Variants in DLC1 observed in about 807,000 individuals in gnomAD.
DLC1 encodes rho GTPase-activating protein 7.
DLC1 carries 54 observed loss-of-function variants against 140.3 expected under a neutral mutation model. That is an observed-to-expected ratio of 0.38 (90% CI 0.31 to 0.48). The LOEUF (loss-of-function observed/expected upper bound fraction) is 0.48. Ranked by LOEUF, DLC1 falls within the 20% of genes least tolerant of loss-of-function variation. The probability of loss-of-function intolerance (pLI) is 0.96; values close to 1 mark genes in which losing one functional copy is unlikely to be tolerated. For missense variants in DLC1, 2,536 were observed against 1,907.0 expected (o/e 1.33, Z -6.14); for synonymous variants, 986 against 728.1 (o/e 1.35, Z -5.70).
intron 4 of DLC1, among the ~76,000 whole-genome samples, chr8:13,324,412 C>T (rs926067847): frequency 6.6e-6 from 1 of 151,528 alleles, no homozygotes; most frequent in Non-Finnish European, 1.5e-5. Context: ...ACTAAAAATA[C>T]AAAAACTTAG....
At position 13,095,178 on chromosome 8, in the gene DLC1, G is replaced by C; in HGVS notation, c.3235C>G (p.Pro1079Ala). Residue 1079 changes from proline (P) to alanine (A), a missense_variant, in exon 11 of 18, where the codon CCA becomes GCA. Physicochemically the swap from Pro to Ala is conservative, Grantham distance 27. Coordinates refer to ENST00000276297, the MANE Select transcript of DLC1 (RefSeq NM_182643.3). ...DYKDRSVFGV[P>A]LTVNVQRTGQ... ...GTGCGCTGCACGTTGACCGTCAGTG[G>C]GACCCCAAACACACTCCGGTCCTTG... The C allele has an allele frequency of 1.2e-6, 2 of 1,614,220 alleles. No homozygotes were observed. Among genetic ancestry groups the C allele is most frequent in the Non-Finnish European group, 1.7e-6 (2 of 1,180,054 alleles).
intron 5 of DLC1, among the ~76,000 whole-genome samples, chr8:13,200,350 C>A (rs1402781441): frequency 6.6e-6 from 1 of 152,140 alleles, no homozygotes; most frequent in Non-Finnish European, 1.5e-5. Flanking sequence ...GCATGAGCCA[C>A]TGCACCTGGC....
intron 5 of DLC1, among the ~76,000 whole-genome samples, chr8:13,199,479 C>A (rs1054269190): frequency 3.9e-5 from 6 of 152,212 alleles, no homozygotes; most frequent in African/African-American, 1.4e-4. Flanking sequence ...CTGGGCCCCG[C>A]GTTCTCATTC....
rs551709074 is a variant in DLC1, at chr8:13,161,766, C to T, written c.1349-46109G>A. ...CCTTGTGGATGTCTTTTCTGAGATGCTACAGAACATAGAGAACAATACACT... is the reference window on the plus strand; with the variant it reads ...CCTTGTGGATGTCTTTTCTGAGATGTTACAGAACATAGAGAACAATACACT... On this transcript the variant is annotated intron_variant, in intron 5 of 17. Coordinates refer to ENST00000276297, the MANE Select transcript of DLC1 (RefSeq NM_182643.3). 1.8e-4 allele frequency among the ~76,000 whole-genome samples: 28 copies of T among 152,256 alleles called. 2 individuals are homozygous for T. In the South Asian group the frequency reaches 5.6e-3, roughly 30 times the overall value.
At chr8:13,166,434 G>T (rs988611216) in intron 5 of DLC1, among the ~76,000 whole-genome samples, 5 of 152,020 alleles carry the variant, frequency 3.3e-5, no homozygotes, top group Admixed American at 6.6e-5. Flanking sequence ...TCTGCCTCCC[G>T]GGTTCAAGCT....
In DLC1 at chr8:13,143,813, T is replaced by TGAGAGAGAGAGAGAGAGAGAGAGAGAGA. The variant is rs35079610; in HGVS notation, c.1349-28184_1349-28157dup. On this transcript the variant is annotated intron_variant, in intron 5 of 17. Coordinates refer to ENST00000276297, the MANE Select transcript of DLC1 (RefSeq NM_182643.3). ...GATGTTGAAAGACCAAATGAAAAGC[T>TGAGAGAGAGAGAGAGAGAGAGAGAGAGA]GAGAGAGAGAGAGAGAGAGAGAGAG... Among the ~76,000 whole-genome samples the TGAGAGAGAGAGAGAGAGAGAGAGAGAGA allele has an allele frequency of 9.0e-4, 116 of 128,700 alleles. 4 individuals are homozygous for TGAGAGAGAGAGAGAGAGAGAGAGAGAGA. Among genetic ancestry groups the TGAGAGAGAGAGAGAGAGAGAGAGAGAGA allele is most frequent in the African/African-American group, 1.9e-3 (62 of 32,164 alleles). 84.4% of individuals were successfully genotyped at this position (128,700 alleles called of 152,430 possible).
At chr8:13,163,543 G>A (rs1304478028) in intron 5 of DLC1, among the ~76,000 whole-genome samples, 1 of 152,164 alleles carries the variant, frequency 6.6e-6, no homozygotes, top group African/African-American at 2.4e-5. Context: ...ACTTTTGTGT[G>A]TGGGGTGGGA....
chr8:13,151,230 ACT>A (rs1483962977), intron 5 of DLC1, among the ~76,000 whole-genome samples: 1 of 152,224 alleles, frequency 6.6e-6, no homozygotes, highest in Non-Finnish European at 1.5e-5. Flanking sequence ...AGTCTTCCTC[ACT>A]CTGTCAATTT....
At chr8:13,237,197 A>ATG (rs376660880) in intron 5 of DLC1, among the ~76,000 whole-genome samples, 1,867 of 138,084 alleles carry the variant, frequency 0.014, 12 homozygotes, top group South Asian at 0.021. Flanking sequence ...ATATATATAT[A>ATG]TGTGTGTGTG....
chr8:13,196,890 C>G (rs930847015), intron 5 of DLC1, among the ~76,000 whole-genome samples: 1 of 152,188 alleles, frequency 6.6e-6, no homozygotes, highest in African/African-American at 2.4e-5. Flanking sequence ...TTTGATTCTA[C>G]TACTTCAGAG....
chr8:13,368,156 A>C (rs749840745), intron 4 of DLC1, among the ~76,000 whole-genome samples: 2 of 152,202 alleles, frequency 1.3e-5, no homozygotes, highest in Non-Finnish European at 2.9e-5. Flanking sequence ...CTGTTGAAAG[A>C]CATAATTGGG....
At chr8:13,103,839 C>CAA (rs1002564334) in intron 7 of DLC1, among the ~76,000 whole-genome samples, 54 of 60,702 alleles carry the variant, frequency 8.9e-4, no homozygotes, top group African/African-American at 2.3e-3. Context: ...GACTCCATCT[C>CAA]AAAAAAAAAA....
At chr8:13,501,694 A>G (rs1264194108) in intron 1 of DLC1, among the ~76,000 whole-genome samples, 2 of 152,186 alleles carry the variant, frequency 1.3e-5, no homozygotes, top group East Asian at 3.9e-4. Context: ...CAGCCTGACC[A>G]AGTATCTTTC....
intron 1 of DLC1, among the ~76,000 whole-genome samples, chr8:13,596,197 G>A (rs1382909785): frequency 6.6e-6 from 1 of 151,920 alleles, no homozygotes; most frequent in Admixed American, 6.6e-5. Flanking sequence ...GCCTGTCTTA[G>A]CACCAAATTT....
intron 4 of DLC1, among the ~76,000 whole-genome samples, chr8:13,363,710 C>G (rs915039946): frequency 6.6e-6 from 1 of 152,146 alleles, no homozygotes; most frequent in South Asian, 2.1e-4. Context: ...CAAAAATATC[C>G]TACAACTTTA....
At chr8:13,453,488 A>T (rs1285911183) in intron 2 of DLC1, among the ~76,000 whole-genome samples, 1 of 38,826 alleles carries the variant, frequency 2.6e-5, no homozygotes, top group African/African-American at 1.3e-4. Flanking sequence ...ATGTATATAT[A>T]TACATATATA....
At chr8:13,297,351 A>T (rs1014382242) in intron 5 of DLC1, among the ~76,000 whole-genome samples, 8 of 147,302 alleles carry the variant, frequency 5.4e-5, no homozygotes, top group African/African-American at 2.0e-4. Flanking sequence ...TCACTTTCTG[A>T]GAATGAAAGA....
chr8:13,265,779 G>A (rs574159235), intron 5 of DLC1, among the ~76,000 whole-genome samples: 22 of 133,082 alleles, frequency 1.7e-4, no homozygotes, highest in Admixed American at 3.5e-4. Context: ...TTCCTTCCTT[G>A]TTAAATGTTT....
In DLC1 at chr8:13,255,501, G is replaced by C. The variant is rs143125456; in HGVS notation, c.1348+49768C>G. ...CTTAAGTACTCAGCAAATAGTTTTT[G>C]AATATATGAATGAATGAAATGAATG... On this transcript the variant is annotated intron_variant, in intron 5 of 17. Transcript: ENST00000276297. Among the ~76,000 whole-genome samples the C allele has an allele frequency of 8.3e-3, 1,269 of 152,186 alleles. 8 individuals are homozygous for C. The highest frequency in any genetic ancestry group is 0.034 in the South Asian group (162 of 4,828).
Sources: gnomAD v4.1 joint callset for allele counts (sites outside exome capture counted in the v4.1 genomes callset) on GRCh38, gnomAD v4.1.1 for gene constraint, MANE v1.5 for transcripts, NCBI Gene and HGNC (gene_info 2026-07-23, HGNC 2026-07-21) for gene names.